The following CADM1 variants were observed in gnomAD, a reference collection of about 807,000 sequenced individuals.
CADM1 encodes the protein cell adhesion molecule 1, also known as TSLC-1.
In CADM1, 15 loss-of-function variants were observed where a neutral mutation model predicts 53.1. The observed-to-expected ratio is 0.28, with a 90% CI of 0.19 to 0.44. The LOEUF (loss-of-function observed/expected upper bound fraction) is 0.44, where lower values mean the gene tolerates loss of function less well. Among genes scored for constraint, CADM1 ranks in the 20% least tolerant of loss-of-function variants. The probability of loss-of-function intolerance (pLI) is 1.00; values close to 1 mark genes in which losing one functional copy is unlikely to be tolerated. For missense variants in CADM1, 434 were observed against 611.3 expected, an observed-to-expected ratio of 0.71 and a Z score of 3.06; for synonymous variants, 281 against 243.0, an observed-to-expected ratio of 1.16 and a Z score of -1.45.
At chr11:115,199,389 T>G (rs1410166747) in intron 8 of CADM1, among the ~76,000 whole-genome samples, 1 of 152,292 alleles carries the variant, frequency 6.6e-6, no homozygotes, top group Non-Finnish European at 1.5e-5. Context: ...CTAGATGAAC[T>G]TGCTGTGGAA....
chr11:115,264,256 C>A (rs1278642903), intron 1 of CADM1, among the ~76,000 whole-genome samples: 1 of 152,112 alleles, frequency 6.6e-6, no homozygotes, highest in Non-Finnish European at 1.5e-5. Flanking sequence ...AAAATACAAA[C>A]GGAACTTCCT....
At chr11:115,233,171 G>A (rs995760444) in intron 3 of CADM1, among the ~76,000 whole-genome samples, 8 of 152,258 alleles carry the variant, frequency 5.3e-5, no homozygotes, top group African/African-American at 1.9e-4. Context: ...AATGAGCAGA[G>A]CCAAAGGATC....
chr11:115,274,812 C>A (rs1351859641), intron 1 of CADM1, among the ~76,000 whole-genome samples: 1 of 152,162 alleles, frequency 6.6e-6, no homozygotes, highest in East Asian at 1.9e-4. Context: ...CCCGCAATGA[C>A]ATCAGAAGTT....
At chr11:115,204,948 C>T (rs1440562134) in intron 8 of CADM1, among the ~76,000 whole-genome samples, 1 of 152,080 alleles carries the variant, frequency 6.6e-6, no homozygotes, top group Non-Finnish European at 1.5e-5. Context: ...CCTAGGAACA[C>T]AAAATATTTA....
chr11:115,186,612 G>A (rs563435412), intron 10 of CADM1, among the ~76,000 whole-genome samples: 9 of 152,286 alleles, frequency 5.9e-5, no homozygotes, highest in South Asian at 4.1e-4. Flanking sequence ...CCGTTTAGCC[G>A]TTTGGGTCCC....
intron 1 of CADM1, among the ~76,000 whole-genome samples, chr11:115,471,234 C>T (rs1293433167): frequency 6.6e-6 from 1 of 152,128 alleles, no homozygotes; most frequent in Non-Finnish European, 1.5e-5. Context: ...TTTGGGGGAA[C>T]ACATGTCTGT....
chr11:115,200,172 A>G (rs1159987009), intron 8 of CADM1, among the ~76,000 whole-genome samples: 1 of 152,242 alleles, frequency 6.6e-6, no homozygotes, highest in Non-Finnish European at 1.5e-5. Context: ...GAAACATACA[A>G]TATACCGCAT....
At chr11:115,488,725 CT>C (rs548105615) in intron 1 of CADM1, among the ~76,000 whole-genome samples, 144 of 152,324 alleles carry the variant, frequency 9.5e-4, no homozygotes, top group African/African-American at 3.4e-3. Context: ...AGGCAATTAA[CT>C]TTATAAGCTT....
chr11:115,295,506 TTATATATA>T (rs71066412), intron 1 of CADM1, among the ~76,000 whole-genome samples: 2,822 of 54,866 alleles, frequency 0.051, 58 homozygotes, highest in South Asian at 0.07. Context: ...TCAAGATATT[TTATATATA>T]TATATATATA....
chr11:115,230,872 T>C (rs768217693), intron 4 of CADM1, among the ~76,000 whole-genome samples: 1 of 152,200 alleles, frequency 6.6e-6, no homozygotes, highest in South Asian at 2.1e-4. Flanking sequence ...TCAACACAGG[T>C]GATAGTGCAA....
At chr11:115,474,915 A>T (rs1364562111) in intron 1 of CADM1, among the ~76,000 whole-genome samples, 1 of 152,226 alleles carries the variant, frequency 6.6e-6, no homozygotes, top group Admixed American at 6.5e-5. Flanking sequence ...ACACACACAC[A>T]TATACTGACA....
Position 115,275,121 on chromosome 11 carries a change from G to A in CADM1, c.125-34701C>T, listed in dbSNP as rs184066167. On this transcript the variant is annotated intron_variant, in intron 1 of 11. Coordinates refer to ENST00000331581, the MANE Select transcript of CADM1 (RefSeq NM_001301043.2). ...TCACAAAAATCCTTCCCCACATTGC[G>A]CCACTGCCCAGAATCAGGCCCACTA... Among the ~76,000 whole-genome samples the A allele has an allele frequency of 3.3e-5, 5 of 152,220 alleles. No individual in the cohort carries two copies. In the South Asian group the frequency reaches 6.2e-4, roughly 19 times the overall value.
intron 1 of CADM1, among the ~76,000 whole-genome samples, chr11:115,362,627 T>C (rs1471825567): frequency 6.6e-6 from 1 of 152,196 alleles, no homozygotes; most frequent in Non-Finnish European, 1.5e-5. Context: ...TTAGTATCTC[T>C]ATTATACAGT....
At chr11:115,391,540 A>C (rs753249256) in intron 1 of CADM1, among the ~76,000 whole-genome samples, 1 of 152,250 alleles carries the variant, frequency 6.6e-6, no homozygotes, top group Non-Finnish European at 1.5e-5. Flanking sequence ...AGAAGGAGGA[A>C]AAGGCAAAAG....
chr11:115,223,441 G>A (rs1288701812), intron 5 of CADM1, among the ~76,000 whole-genome samples: 3 of 152,156 alleles, frequency 2.0e-5, no homozygotes, highest in Non-Finnish European at 4.4e-5. Context: ...AAACCATTAA[G>A]TGAAGTATGT....
At chr11:115,497,992 A>C (rs996239630) in intron 1 of CADM1, among the ~76,000 whole-genome samples, 7 of 150,762 alleles carry the variant, frequency 4.6e-5, no homozygotes, top group South Asian at 2.1e-4. Flanking sequence ...AAAAAAAAAA[A>C]CCCTCACATT....
chr11:115,388,200 GCAGA>G (rs1285409333), intron 1 of CADM1, among the ~76,000 whole-genome samples: 7 of 152,116 alleles, frequency 4.6e-5, no homozygotes, highest in Non-Finnish European at 8.8e-5. Flanking sequence ...TGACAGACAG[GCAGA>G]CAGACAGATA....
At chr11:115,221,850 G>A (rs993084264) in intron 5 of CADM1, among the ~76,000 whole-genome samples, 5 of 152,142 alleles carry the variant, frequency 3.3e-5, no homozygotes, top group Admixed American at 2.6e-4. Context: ...ACCCTGGCAG[G>A]AGACATGCCA....
Position 115,173,159 on chromosome 11 carries a change from GAGAACTTTCA to G in CADM1, c.*3305_*3314del, listed in dbSNP as rs1938856923. On this transcript the variant is annotated 3_prime_UTR_variant, in exon 12 of 12. Transcript: ENST00000331581. ...CACGTCTTCTTTTTATGAAAGGAGA[GAGAACTTTCA>G]AGGAAGAAGGCAGAATGAATTGTTA... 1 of 152,164 alleles carries G rather than the reference GAGAACTTTCA, an allele frequency of 6.6e-6. No homozygotes were observed. The highest frequency in any genetic ancestry group is 1.5e-5 in the Non-Finnish European group (1 of 68,050). The allele number at this position is 152,164 out of a possible 1,614,324, so 9.4% of individuals were successfully genotyped here. A position where few individuals can be genotyped will look rare whatever the true frequency, so the allele number is the denominator to read the frequency against.
Sources: allele counts gnomAD v4.1 joint callset (sites outside exome capture counted in the v4.1 genomes callset), GRCh38; gene constraint gnomAD v4.1.1; transcripts MANE v1.5; gene names NCBI Gene and HGNC (gene_info 2026-07-23, HGNC 2026-07-21).